The following INSL6 variants were observed in gnomAD, a reference collection of about 807,000 sequenced individuals.
The protein encoded by INSL6 is insulin-like peptide INSL6.
INSL6 carries 16 observed loss-of-function variants against 9.4 expected under a neutral mutation model. The ratio of observed to expected loss-of-function variants is 1.70; its 90% CI spans 1.15 to 2.59. The LOEUF is 2.59. Ranked by LOEUF, INSL6 falls within the 30% of genes most tolerant of loss-of-function variation. The probability of loss-of-function intolerance (pLI) is 0.00; values close to 1 mark genes in which losing one functional copy is unlikely to be tolerated. For synonymous variants in INSL6, 154 were observed against 96.9 expected, an observed-to-expected ratio of 1.59 and a Z score of -3.46; for missense variants, 391 against 257.3, an observed-to-expected ratio of 1.52 and a Z score of -3.56.
At chr9:5,057,472 A>G in the INSL6 span, among the ~76,000 whole-genome samples, 4 of 151,966 alleles carry the variant, frequency 2.6e-5, no homozygotes, top group African/African-American at 7.2e-5. Context: ...TCACTTTTGC[A>G]TCCAATTTCC....
chr9:5,029,669 C>A, the INSL6 span: 1 of 905,784 alleles, frequency 1.1e-6, no homozygotes, highest in Middle Eastern at 2.9e-4. Flanking sequence ...ACTGCTATTA[C>A]ATTTTGTTCC....
chr9:5,155,972 C>A (rs1824808155), intron 2 of INSL6, among the ~76,000 whole-genome samples: 1 of 151,342 alleles, frequency 6.6e-6, no homozygotes, highest in African/African-American at 2.4e-5. Context: ...CTAGAATAAT[C>A]AAGAGTAAAA....
At chr9:5,127,602 G>A in intron 3 of INSL6, 1 of 231,672 alleles carries the variant, frequency 4.3e-6, no homozygotes, top group East Asian at 6.1e-5. Context: ...AGACTACTAT[G>A]AACAGTTTTC....
intron 1 of INSL6, among the ~76,000 whole-genome samples, 166 bp from the exon 2 acceptor site, chr9:5,164,431 G>T (rs1047093796): frequency 6.6e-6 from 1 of 152,178 alleles, no homozygotes; most frequent in Non-Finnish European, 1.5e-5. Context: ...ACTAAAGTAG[G>T]TGTAGTGTTT....
chr9:5,020,656 G>A, the INSL6 span, among the ~76,000 whole-genome samples: 15 of 152,294 alleles, frequency 9.8e-5, no homozygotes, highest in Non-Finnish European at 1.5e-4. Context: ...GACACCTAGC[G>A]GCAGCAGCCT....
chr9:5,007,992 G>T, the INSL6 span, among the ~76,000 whole-genome samples: 1 of 151,978 alleles, frequency 6.6e-6, no homozygotes, highest in East Asian at 1.9e-4. Flanking sequence ...GCCTCCCAAA[G>T]TGCTGGGATT....
At chr9:5,176,025 A>G (rs1056490851) in intron 1 of INSL6, among the ~76,000 whole-genome samples, 7 of 152,124 alleles carry the variant, frequency 4.6e-5, no homozygotes, top group African/African-American at 1.7e-4. Flanking sequence ...TGGTACCAAA[A>G]AGGTTGGGGA....
chr9:5,008,824 G>A, the INSL6 span, among the ~76,000 whole-genome samples: 7 of 151,888 alleles, frequency 4.6e-5, no homozygotes, highest in East Asian at 1.9e-4. Context: ...GTTTTCATTC[G>A]TCCTCCATCT....
At chr9:5,149,916 A>G (rs1004793523) in intron 2 of INSL6, among the ~76,000 whole-genome samples, 8 of 152,222 alleles carry the variant, frequency 5.3e-5, no homozygotes, top group Non-Finnish European at 1.2e-4. Context: ...TCAGCAGAAC[A>G]TAATAGAGAA....
At chr9:5,136,764 T>G (rs1458724548) in intron 2 of INSL6, among the ~76,000 whole-genome samples, 1 of 152,194 alleles carries the variant, frequency 6.6e-6, no homozygotes, top group African/African-American at 2.4e-5. Flanking sequence ...TTGGAAGTTC[T>G]GGCCAGGGCA....
the INSL6 span, among the ~76,000 whole-genome samples, chr9:5,037,363 A>G: frequency 0.014 from 2,076 of 152,264 alleles, 55 homozygotes; most frequent in African/African-American, 0.048. Flanking sequence ...CTGGGTATAT[A>G]CCCAAAGGAT....
the INSL6 span, among the ~76,000 whole-genome samples, chr9:5,037,836 C>A: frequency 6.6e-6 from 1 of 151,988 alleles, no homozygotes; most frequent in African/African-American, 2.4e-5. Flanking sequence ...TGCACATGTA[C>A]CCTAAAACTT....
chr9:5,021,209 C>T, the INSL6 span, among the ~76,000 whole-genome samples: 2 of 152,172 alleles, frequency 1.3e-5, no homozygotes, highest in South Asian at 4.1e-4. Flanking sequence ...TTTTCTATCA[C>T]TTCTCTGTTG....
chr9:5,111,370 C>G, the INSL6 span: 2 of 405,746 alleles, frequency 4.9e-6, no homozygotes, highest in Admixed American at 3.4e-5. Flanking sequence ...CCCTCCTACG[C>G]CAGCAGCTCT....
the INSL6 span, chr9:5,055,012 T>C: frequency 1.6e-6 from 1 of 636,738 alleles, no homozygotes; most frequent in Non-Finnish European, 2.6e-6. Context: ...AAGTTTTTAA[T>C]AGCGTGAACC....
At chr9:5,128,321 G>C (rs928233055) in intron 3 of INSL6, 1 of 222,128 alleles carries the variant, frequency 4.5e-6, no homozygotes, top group Non-Finnish European at 9.0e-6. Context: ...TAATAGTTCT[G>C]GATGCAGAAA....
chr9:5,110,796 C>T, the INSL6 span: 2 of 412,518 alleles, frequency 4.8e-6, no homozygotes, highest in Admixed American at 6.6e-5. Context: ...GGGCCACGCG[C>T]GACGCCTGGG....
chr9:5,136,365 T>C lies in INSL6; in HGVS notation c.377-2773A>G, dbSNP rs182204936. Among the ~76,000 whole-genome samples the C allele has an allele frequency of 1.2e-4, 18 of 152,134 alleles. No individual in the cohort carries two copies. In the East Asian group the frequency reaches 3.5e-3, roughly 29 times the overall value. Reference sequence around the variant, plus strand: ...TCCCTGATAAACACTGATGCGAAAATCCTCAATAAAATACTGGCAAACTGA... The same window carrying C: ...TCCCTGATAAACACTGATGCGAAAACCCTCAATAAAATACTGGCAAACTGA... On this transcript the variant is annotated intron_variant, in intron 2 of 3. Transcript: ENST00000649639.
intron 2 of INSL6, among the ~76,000 whole-genome samples, chr9:5,156,460 C>A (rs1824815987): frequency 6.6e-6 from 1 of 151,990 alleles, no homozygotes. Context: ...CTCAAATGAT[C>A]AGAATAAAGA....
Sources: allele counts gnomAD v4.1 joint callset (sites outside exome capture counted in the v4.1 genomes callset), GRCh38; gene constraint gnomAD v4.1.1; transcripts MANE v1.5; gene names NCBI Gene and HGNC (gene_info 2026-07-23, HGNC 2026-07-21).